EGLN3: variants seen among roughly 807,000 people sequenced by gnomAD.
EGLN3 encodes egl-9 family hypoxia inducible factor 3.
Under a neutral mutation model 26.0 loss-of-function variants are expected in EGLN3, and 15 were observed. The observed-to-expected ratio is 0.58, with a 90% CI of 0.39 to 0.89. EGLN3 has a LOEUF of 0.89. Ranked by LOEUF, EGLN3 falls within the 40% of genes least tolerant of loss-of-function variation. EGLN3 has a pLI of 0.00. For synonymous variants in EGLN3, 147 were observed against 127.2 expected (o/e 1.16, Z -1.05); for missense variants, 238 against 311.6 (o/e 0.76, Z 1.78).
chr14:33,930,375 A>G (rs546629295), intron 2 of EGLN3, among the ~76,000 whole-genome samples: 18 of 152,308 alleles, frequency 1.2e-4, no homozygotes, highest in Admixed American at 9.8e-4. Context: ...TTATTGCTTT[A>G]TGACAGCCAG....
chr14:33,929,134 G>A lies in EGLN3; in HGVS notation c.556C>T (p.Leu186=). 1 of 1,614,174 alleles carries A rather than the reference G, an allele frequency of 6.2e-7. No individual in the cohort carries two copies. The highest frequency in any genetic ancestry group is 8.5e-7 in the Non-Finnish European group (1 of 1,180,032). Residue 186 remains leucine (L), a synonymous_variant, in exon 3 of 5, where the codon CTG becomes TTG. Transcript: ENST00000250457. ...ADVEPIFDRL[L]FFWSDRRNPH... is the part of the protein sequence containing the mutation. ...TTCCTACGATCTGACCAGAAGAACA[G>A]GAGTCTGTCAAAAATGGGCTCCACA...
At chr14:33,926,892 TAC>T in intron 4 of EGLN3, 66 bp downstream of exon 4, 1 of 1,198,222 alleles carries the variant, frequency 8.3e-7, no homozygotes, top group Non-Finnish European at 1.2e-6. Flanking sequence ...TGTTTAAAAC[TAC>T]ATAAAATTGA....
chr14:33,944,800 C>G (rs2064506812), intron 1 of EGLN3, among the ~76,000 whole-genome samples: 1 of 152,232 alleles, frequency 6.6e-6, no homozygotes, highest in Non-Finnish European at 1.5e-5. Flanking sequence ...CATCCACGGA[C>G]AGGTCTCCCA....
intron 1 of EGLN3, among the ~76,000 whole-genome samples, chr14:33,943,744 G>A (rs2064499126): frequency 6.6e-6 from 1 of 152,200 alleles, no homozygotes; most frequent in South Asian, 2.1e-4. Context: ...TGGGTAGAAC[G>A]CCACCCTGAC....
At chr14:33,926,754 G>A (rs1441778490) in intron 4 of EGLN3, among the ~76,000 whole-genome samples, 1 of 152,086 alleles carries the variant, frequency 6.6e-6, no homozygotes, top group Non-Finnish European at 1.5e-5. Context: ...CATTCAGTGG[G>A]CATTCTCAGG....
At position 33,929,935 on chromosome 14, in the gene EGLN3, A is replaced by C. The variant is rs115842428; in HGVS notation, c.478-723T>G. On this transcript the variant is annotated intron_variant, in intron 2 of 4. Transcript: ENST00000250457. ...ATTTACAGCTCTTCTGAACTCCCTTAGCTCCTATCTGACCTCATTAGTTGG... is the reference window on the plus strand; with the variant it reads ...ATTTACAGCTCTTCTGAACTCCCTTCGCTCCTATCTGACCTCATTAGTTGG... Among the ~76,000 whole-genome samples the C allele has an allele frequency of 6.0e-3, 910 of 152,322 alleles. 7 individuals carry two copies. Among genetic ancestry groups the C allele is most frequent in the African/African-American group, 0.021 (863 of 41,568 alleles).
chr14:33,941,231 C>T (rs566162851), intron 1 of EGLN3, among the ~76,000 whole-genome samples: 1 of 152,204 alleles, frequency 6.6e-6, no homozygotes, highest in East Asian at 1.9e-4. Context: ...TCTAACTCAT[C>T]CATAAAGAAG....
intron 1 of EGLN3, among the ~76,000 whole-genome samples, chr14:33,942,464 GTA>G (rs2064490278): frequency 6.6e-6 from 1 of 152,166 alleles, no homozygotes; most frequent in Admixed American, 6.5e-5. Flanking sequence ...GCTCACACCT[GTA>G]GTTTCAGTAC....
chr14:33,938,566 G>A (rs1305178936), intron 1 of EGLN3, among the ~76,000 whole-genome samples: 2 of 152,194 alleles, frequency 1.3e-5, no homozygotes, highest in African/African-American at 4.8e-5. Flanking sequence ...AACGGACACT[G>A]GGAACCATCC....
intron 1 of EGLN3, among the ~76,000 whole-genome samples, chr14:33,947,094 G>C (rs916420163): frequency 6.6e-6 from 1 of 152,220 alleles, no homozygotes; most frequent in Non-Finnish European, 1.5e-5. Flanking sequence ...TCTACAGTGA[G>C]CTGTTTGAAG....
At chr14:33,930,169 T>G (rs2138811805) in intron 2 of EGLN3, among the ~76,000 whole-genome samples, 1 of 152,344 alleles carries the variant, frequency 6.6e-6, no homozygotes, top group East Asian at 1.9e-4. Flanking sequence ...AAATATTTGT[T>G]AAATGATTCC....
rs1375330099 is a variant in EGLN3 at position 33,924,959 on chromosome 14, A to AAAC, written c.*931_*932insGTT. ...GGAAAACTAAAAAAAAAAAAAAAAAAAAAACAGGAACACCCACATTTCCAA... is the reference window on the plus strand; with the variant it reads ...GGAAAACTAAAAAAAAAAAAAAAAAAAACAAAACAGGAACACCCACATTTCCAA... On this transcript the variant is annotated 3_prime_UTR_variant, in exon 5 of 5. Transcript: ENST00000250457. 4.0e-5 allele frequency: 6 copies of AAAC among 151,224 alleles called. 1 individual carries two copies. The highest frequency in any genetic ancestry group is 6.6e-5 in the Admixed American group (1 of 15,206). The allele number at this position is 151,224 out of a possible 1,614,324, so 9.4% of individuals were successfully genotyped here.
In EGLN3 at chr14:33,924,347, G is replaced by T. The variant is rs975525957; in HGVS notation, c.*1544C>A. On this transcript the variant is annotated 3_prime_UTR_variant, in exon 5 of 5. Transcript: ENST00000250457. ...AATATACAAAATTCCTGTCTTCATT[G>T]TGCTTACACTCCAGAGAAAGGATAC... The T allele has an allele frequency of 3.3e-5, 5 of 152,156 alleles. No individual in the cohort carries two copies. In the East Asian group the frequency reaches 9.7e-4, roughly 29 times the overall value. The allele number at this position is 152,156 out of a possible 1,614,324, so 9.4% of individuals were successfully genotyped here.
At chr14:33,939,138 A>C (rs777920674) in intron 1 of EGLN3, among the ~76,000 whole-genome samples, 31 of 152,368 alleles carry the variant, frequency 2.0e-4, no homozygotes, top group Admixed American at 5.9e-4. Flanking sequence ...CAAGACTTTA[A>C]TAATGGATAA....
intron 2 of EGLN3, among the ~76,000 whole-genome samples, chr14:33,930,440 C>T (rs1402687423): frequency 6.6e-6 from 1 of 152,192 alleles, no homozygotes; most frequent in East Asian, 1.9e-4. Flanking sequence ...GCCAAATAAG[C>T]TTGAAAAGTT....
intron 1 of EGLN3, among the ~76,000 whole-genome samples, chr14:33,938,350 C>G (rs1001941598): frequency 5.9e-5 from 9 of 152,178 alleles, no homozygotes; most frequent in African/African-American, 1.9e-4. Context: ...GGGGATTCAG[C>G]CAGAGCCCAT....
intron 1 of EGLN3, among the ~76,000 whole-genome samples, chr14:33,934,465 A>AT (rs890998400): frequency 2.4e-5 from 2 of 83,584 alleles, no homozygotes; most frequent in African/African-American, 8.3e-5. Context: ...AGCTGACTTC[A>AT]TAAAAAAAAA....
chr14:33,941,557 C>G (rs1156636365), intron 1 of EGLN3, among the ~76,000 whole-genome samples: 1 of 143,898 alleles, frequency 6.9e-6, no homozygotes, highest in Admixed American at 7.1e-5. Flanking sequence ...CTCTATCCCC[C>G]CCAAAAAAAA....
intron 1 of EGLN3, among the ~76,000 whole-genome samples, chr14:33,940,283 G>A (rs999604206): frequency 6.6e-6 from 1 of 152,136 alleles, no homozygotes; most frequent in African/African-American, 2.4e-5. Context: ...ACCATAACAG[G>A]AGGGAACTGG....
Sources: allele counts gnomAD v4.1 joint callset (sites outside exome capture counted in the v4.1 genomes callset), GRCh38; gene constraint gnomAD v4.1.1; transcripts MANE v1.5; gene names NCBI Gene and HGNC (gene_info 2026-07-23, HGNC 2026-07-21).